Variants in CPLX1 observed in about 807,000 individuals in gnomAD.
CPLX1 encodes complexin-1.
In CPLX1, 6 loss-of-function variants were observed where a neutral mutation model predicts 15.6. The ratio of observed to expected loss-of-function variants is 0.39; its 90% confidence interval spans 0.21 to 0.76. The LOEUF (loss-of-function observed/expected upper bound fraction) is 0.76. Ranked by LOEUF, CPLX1 falls within the 30% of genes least tolerant of loss-of-function variation. The probability of loss-of-function intolerance (pLI) is 0.43; values close to 1 mark genes in which losing one functional copy is unlikely to be tolerated. For missense variants in CPLX1, 242 were observed against 188.6 expected (o/e 1.28, Z -1.66); for synonymous variants, 91 against 75.2 (o/e 1.21, Z -1.08).
At chr4:824,431 C>G (rs1053123819) in intron 2 of CPLX1, 61 bp downstream of exon 2, 1 of 1,460,212 alleles carries the variant, frequency 6.8e-7, no homozygotes, top group Non-Finnish European at 9.6e-7. Flanking sequence ...TGAGGAGCAG[C>G]TGCTGTGGTG....
Position 786,235 on chromosome 4 carries a change from T to G in CPLX1, c.*266A>C. On this transcript the variant is annotated 3_prime_UTR_variant, in exon 4 of 4. Transcript: ENST00000304062. The stretch of plus-strand genomic sequence containing the variant: ...GGCCCTGGCCTCGGGCGCTGCTGGG[T>G]GGGCGGTAAACAGCAAGAGAAAGGG... 3.2e-6 allele frequency: 1 copy of G among 309,586 alleles called. No individual in the cohort carries two copies. Among genetic ancestry groups the G allele is most frequent in the Non-Finnish European group, 5.9e-6 (1 of 169,470 alleles). The allele number at this position is 309,586 out of a possible 1,614,324, so 19.2% of individuals were successfully genotyped here. A position where few individuals can be genotyped will look rare whatever the true frequency, so the allele number is the denominator to read the frequency against.
intron 2 of CPLX1, among the ~76,000 whole-genome samples, chr4:799,729 G>A (rs1746414760): frequency 6.6e-6 from 1 of 152,156 alleles, no homozygotes; most frequent in African/African-American, 2.4e-5. Context: ...CAGGCATGGT[G>A]GCATGTGCCT....
intron 2 of CPLX1, among the ~76,000 whole-genome samples, chr4:821,264 A>C (rs1421734187): frequency 6.6e-6 from 1 of 152,092 alleles, no homozygotes; most frequent in African/African-American, 2.4e-5. Flanking sequence ...AGACCTCCCC[A>C]CACGTGGCAG....
At position 787,314 on chromosome 4, in the gene CPLX1, C is replaced by A. The variant is rs1300305486; in HGVS notation, c.208-616G>T. 13 of 985,276 alleles carry A rather than the reference C, an allele frequency of 1.3e-5. No individual in the cohort carries two copies. The South Asian group carries it at 5.6e-4, about 43-fold the overall frequency. 61.0% of individuals were successfully genotyped at this position (985,276 alleles called of 1,614,324 possible). A position where few individuals can be genotyped will look rare whatever the true frequency, so the allele number is the denominator to read the frequency against. ...CCTAGTCGTGCCCTCAGCCAGTATGCCTGGGCCTCACCGACCCCCTGCCCA... is the reference window on the plus strand; with the variant it reads ...CCTAGTCGTGCCCTCAGCCAGTATGACTGGGCCTCACCGACCCCCTGCCCA... On this transcript the variant is annotated intron_variant, in intron 3 of 3. Coordinates refer to ENST00000304062, the MANE Select transcript of CPLX1 (RefSeq NM_006651.4).
intron 3 of CPLX1, among the ~76,000 whole-genome samples, chr4:791,818 T>A (rs1746184689): frequency 6.6e-6 from 1 of 151,706 alleles, no homozygotes; most frequent in Admixed American, 6.6e-5. Flanking sequence ...CCATGCCCGC[T>A]CACCCCTGGC....
chr4:816,936 C>CA (rs1486032614), intron 2 of CPLX1, among the ~76,000 whole-genome samples: 1 of 152,132 alleles, frequency 6.6e-6, no homozygotes, highest in Non-Finnish European at 1.5e-5. Context: ...TCAACTCTGG[C>CA]AAGTAGAGCT....
chr4:800,821 A>T (rs960096409), intron 2 of CPLX1, among the ~76,000 whole-genome samples: 2 of 148,774 alleles, frequency 1.3e-5, no homozygotes, highest in Non-Finnish European at 3.0e-5. Flanking sequence ...GTATATATAA[A>T]TATATGTGTG....
At chr4:788,584 G>C (rs1577467507) in intron 3 of CPLX1, 2 of 985,372 alleles carry the variant, frequency 2.0e-6, no homozygotes, top group East Asian at 2.3e-4. Flanking sequence ...TGCAGGCCCA[G>C]AACAAAGCCC....
chr4:802,439 G>A (rs1746476719), intron 2 of CPLX1, among the ~76,000 whole-genome samples: 1 of 152,168 alleles, frequency 6.6e-6, no homozygotes. Context: ...AGAGGGCAAT[G>A]GTTATTGAAA....
intron 2 of CPLX1, among the ~76,000 whole-genome samples, chr4:819,048 A>G (rs1746813513): frequency 6.6e-6 from 1 of 152,228 alleles, no homozygotes; most frequent in South Asian, 2.1e-4. Flanking sequence ...AGCTTTCATC[A>G]GTTCCCTGTT....
At chr4:788,040 AG>A (rs1156771559) in intron 3 of CPLX1, 2 of 985,292 alleles carry the variant, frequency 2.0e-6, no homozygotes, top group Non-Finnish European at 1.2e-6. Flanking sequence ...GAGAAAACTT[AG>A]GAGGGGAGTG....
At chr4:800,950 G>C (rs1746444709) in intron 2 of CPLX1, among the ~76,000 whole-genome samples, 1 of 151,778 alleles carries the variant, frequency 6.6e-6, no homozygotes, top group African/African-American at 2.4e-5. Context: ...CCTGGAGGTG[G>C]AGGTTGCAGT....
chr4:792,302 G>GC, intron 3 of CPLX1, 131 bp downstream of exon 3: 4 of 647,930 alleles, frequency 6.2e-6, no homozygotes, highest in South Asian at 2.3e-5. Context: ...CCACTCTGAA[G>GC]CCCCCAAAGG....
chr4:789,957 C>G, intron 3 of CPLX1, among the ~76,000 whole-genome samples: 1 of 76,298 alleles, frequency 1.3e-5, no homozygotes, highest in East Asian at 2.8e-4. Flanking sequence ...CAGGGTTCCC[C>G]TACCCCAACA....
intron 3 of CPLX1, among the ~76,000 whole-genome samples, chr4:788,679 G>C (rs748685845): frequency 6.6e-6 from 1 of 152,158 alleles, no homozygotes; most frequent in Non-Finnish European, 1.5e-5. Flanking sequence ...CACGGAAGTG[G>C]AGGGAGCATG....
chr4:809,261 G>C (rs1294302313), intron 2 of CPLX1, among the ~76,000 whole-genome samples: 1 of 152,222 alleles, frequency 6.6e-6, no homozygotes, highest in Admixed American at 6.5e-5. Flanking sequence ...ACAGTGGAAC[G>C]GTGATGACTC....
At chr4:788,453 T>A (rs1024010378) in intron 3 of CPLX1, 1 of 985,240 alleles carries the variant, frequency 1.0e-6, no homozygotes, top group Admixed American at 6.1e-5. Context: ...GGGCTCGCCC[T>A]AGTCCTCAGC....
intron 2 of CPLX1, among the ~76,000 whole-genome samples, chr4:818,023 G>A (rs1417229659): frequency 6.6e-6 from 1 of 152,228 alleles, no homozygotes; most frequent in Non-Finnish European, 1.5e-5. Context: ...GAGCGCATTG[G>A]GCAAGGTCAG....
At chr4:806,673 CA>C (rs1746560968) in intron 2 of CPLX1, among the ~76,000 whole-genome samples, 1 of 152,032 alleles carries the variant, frequency 6.6e-6, no homozygotes, top group Non-Finnish European at 1.5e-5. Flanking sequence ...CCAGAATCTA[CA>C]AGGAACCCAA....
Sources: allele counts gnomAD v4.1 joint callset (sites outside exome capture counted in the v4.1 genomes callset), GRCh38; gene constraint gnomAD v4.1.1; transcripts MANE v1.5; gene names NCBI Gene and HGNC (gene_info 2026-07-23, HGNC 2026-07-21).